RBM19: variants seen among roughly 807,000 people sequenced by gnomAD.
RBM19 encodes the protein RNA binding motif protein 19, also known as probable RNA-binding protein 19.
Under a neutral mutation model 116.8 loss-of-function variants are expected in RBM19, and 94 were observed. The observed-to-expected ratio is 0.80, with a 90% confidence interval of 0.68 to 0.95. RBM19 has a LOEUF of 0.95. RBM19 is among the 40% of genes least tolerant of loss of function. The pLI, the probability that RBM19 is intolerant of heterozygous loss-of-function variation, is 0.00. For synonymous variants in RBM19, 475 were observed against 494.1 expected, an observed-to-expected ratio of 0.96 and a Z score of 0.51; for missense variants, 1,161 against 1,220.7, an observed-to-expected ratio of 0.95 and a Z score of 0.73.
At chr12:113,838,429 T>C (rs1310521380) in intron 23 of RBM19, among the ~76,000 whole-genome samples, 14 of 151,860 alleles carry the variant, frequency 9.2e-5, no homozygotes, top group African/African-American at 3.1e-4. Flanking sequence ...GGGGAGAACA[T>C]GCAAACTCCA....
chr12:113,951,538 A>ACACACAC (rs1566038702), intron 8 of RBM19, among the ~76,000 whole-genome samples: 9,456 of 150,122 alleles, frequency 0.063, 992 homozygotes, highest in African/African-American at 0.22. Context: ...CACACACACA[A>ACACACAC]ACACACACAC....
At chr12:113,935,367 G>A (rs1350772539) in intron 16 of RBM19, among the ~76,000 whole-genome samples, 1 of 152,180 alleles carries the variant, frequency 6.6e-6, no homozygotes. Flanking sequence ...CAAGGCAGCT[G>A]TGATTTGGGG....
intron 21 of RBM19, among the ~76,000 whole-genome samples, chr12:113,881,509 T>C (rs1880127261): frequency 6.6e-6 from 1 of 152,212 alleles, no homozygotes; most frequent in Non-Finnish European, 1.5e-5. Context: ...CAGGGACATC[T>C]ACACCAAACG....
At chr12:113,901,491 C>CTTTTA (rs1188497375) in intron 21 of RBM19, among the ~76,000 whole-genome samples, 2 of 148,516 alleles carry the variant, frequency 1.3e-5, no homozygotes, top group South Asian at 4.4e-4. Context: ...TCAGGAATTC[C>CTTTTA]TTCTTTTATT....
intron 21 of RBM19, among the ~76,000 whole-genome samples, chr12:113,901,900 C>T (rs912052796): frequency 1.3e-5 from 2 of 150,204 alleles, no homozygotes; most frequent in African/African-American, 2.5e-5. Flanking sequence ...CTCATTACTG[C>T]AGGAAATGGC....
chr12:113,892,442 A>G (rs559325021), intron 21 of RBM19, among the ~76,000 whole-genome samples: 1 of 152,290 alleles, frequency 6.6e-6, no homozygotes, highest in Non-Finnish European at 1.5e-5. Context: ...CAATTTCCCA[A>G]ACTCTCAGGA....
intron 22 of RBM19, among the ~76,000 whole-genome samples, chr12:113,858,157 C>T (rs549201627): frequency 6.6e-6 from 1 of 152,198 alleles, no homozygotes; most frequent in Non-Finnish European, 1.5e-5. Flanking sequence ...GAGGCTGGGC[C>T]CAGCACCCAC....
intron 23 of RBM19, among the ~76,000 whole-genome samples, chr12:113,841,841 A>G (rs908205678): frequency 6.6e-6 from 1 of 152,160 alleles, no homozygotes; most frequent in African/African-American, 2.4e-5. Flanking sequence ...TTCCTTGCTG[A>G]GTAGACATAG....
At chr12:113,821,395 C>T (rs1305061836), downstream of RBM19, among the ~76,000 whole-genome samples, 2 of 152,132 alleles carry the variant, frequency 1.3e-5, no homozygotes, top group Admixed American at 6.5e-5. Flanking sequence ...GAAGGTTCAG[C>T]CAGAAGGAGC....
intron 21 of RBM19, among the ~76,000 whole-genome samples, chr12:113,905,990 G>C (rs532582061): frequency 4.6e-5 from 7 of 152,184 alleles, no homozygotes; most frequent in African/African-American, 1.7e-4. Flanking sequence ...AGGATGAGGC[G>C]CACCAGAACA....
intron 21 of RBM19, 55 bp downstream of exon 21, chr12:113,914,914 C>T (rs199582762): frequency 3.3e-5 from 48 of 1,475,516 alleles, no homozygotes; most frequent in Middle Eastern, 1.7e-4. Flanking sequence ...CCCTGAGACT[C>T]GGGCAGGCTC....
chr12:113,889,782 C>T (rs1222961046), intron 21 of RBM19, among the ~76,000 whole-genome samples: 1 of 151,938 alleles, frequency 6.6e-6, no homozygotes, highest in African/African-American at 2.4e-5. Context: ...CCTGGATGCA[C>T]GGCTCTTGGA....
At chr12:113,913,085 A>G (rs1298647081) in intron 21 of RBM19, among the ~76,000 whole-genome samples, 1 of 152,154 alleles carries the variant, frequency 6.6e-6, no homozygotes, top group Non-Finnish European at 1.5e-5. Flanking sequence ...AATAAATATA[A>G]TACATGAGAT....
In RBM19 at chr12:113,959,194, C is replaced by T. The variant is rs1461691175; in HGVS notation, c.571+18G>A. 1 of 1,599,464 alleles carries T rather than the reference C, an allele frequency of 6.3e-7. No individual in the cohort carries two copies. The highest frequency in any genetic ancestry group is 8.5e-7 in the Non-Finnish European group (1 of 1,170,552). ...CACAGGTCCGTGCGCATGGAGCACA[C>T]AGTCCCCATGCCCTCACCTTCCAGG... is the stretch of plus-strand genomic sequence containing the variant. On this transcript the variant is annotated intron_variant, in intron 5 of 23. Coordinates refer to ENST00000261741, the MANE Select transcript of RBM19 (RefSeq NM_016196.4).
intron 19 of RBM19, among the ~76,000 whole-genome samples, chr12:113,918,948 T>C (rs1294182543): frequency 6.6e-6 from 1 of 152,104 alleles, no homozygotes; most frequent in Non-Finnish European, 1.5e-5. Flanking sequence ...CAGAGCTTCG[T>C]AGGAACAATT....
At chr12:113,826,535 T>G (rs1340034015) in intron 23 of RBM19, among the ~76,000 whole-genome samples, 3 of 152,158 alleles carry the variant, frequency 2.0e-5, no homozygotes, top group Non-Finnish European at 4.4e-5. Flanking sequence ...TCCCCTCACA[T>G]GACGGAGACA....
At position 113,960,096 on chromosome 12, in the gene RBM19, T is replaced by C. The variant is rs770454821; in HGVS notation, c.302A>G (p.Gln101Arg). 1 of 1,614,248 alleles carries C rather than the reference T, an allele frequency of 6.2e-7. No individual in the cohort carries two copies. Among genetic ancestry groups the C allele is most frequent in the South Asian group, 1.1e-5 (1 of 91,090 alleles). ...KHAQKPSQPK[Q>R]PPKDSTTPEI... ...TGGAGTAGTAGAGTCTTTTGGAGGC[T>C]GCTTGGGCTGGCTTGGTTTCTGGGC... is the stretch of plus-strand genomic sequence containing the variant. Residue 101 changes from glutamine (Q) to arginine (R), a missense_variant, in exon 3 of 24, where the codon CAG (glutamine) becomes CGG (arginine). Transcript: ENST00000261741.
At chr12:113,831,965 T>C (rs565123068) in intron 23 of RBM19, among the ~76,000 whole-genome samples, 1 of 152,234 alleles carries the variant, frequency 6.6e-6, no homozygotes, top group South Asian at 2.1e-4. Flanking sequence ...GCCAGCCATG[T>C]GCACCACTTG....
rs979897209 is a variant in RBM19 at position 113,906,295 on chromosome 12, T to C, written c.2558+8674A>G. Among the ~76,000 whole-genome samples, 6 of 152,270 alleles carry C rather than the reference T, an allele frequency of 3.9e-5. No individual in the cohort carries two copies. The East Asian group carries it at 1.2e-3, about 29-fold the overall frequency. On this transcript the variant is annotated intron_variant, in intron 21 of 23. Coordinates refer to ENST00000261741, the MANE Select transcript of RBM19 (RefSeq NM_016196.4). Reference sequence around the variant, plus strand: ...TAGATGGTCACAACAATGAATGGATTACAACTGCAACATAGCAAGTGCGGA... The same window carrying C: ...TAGATGGTCACAACAATGAATGGATCACAACTGCAACATAGCAAGTGCGGA...
Sources: allele counts gnomAD v4.1 joint callset (sites outside exome capture counted in the v4.1 genomes callset), GRCh38; gene constraint gnomAD v4.1.1; transcripts MANE v1.5; gene names NCBI Gene and HGNC (gene_info 2026-07-23, HGNC 2026-07-21).